Variants in NME7 observed in about 807,000 individuals in gnomAD.
NME7 encodes the protein NME/NM23 family member 7, also known as nucleoside diphosphate kinase 7.
NME7 carries 41 observed loss-of-function variants against 49.1 expected under a neutral mutation model. The observed-to-expected ratio is 0.83, with a 90% CI of 0.65 to 1.08. NME7 has a LOEUF of 1.08. NME7 is among the 50% of genes least tolerant of loss of function. The probability of loss-of-function intolerance (pLI) is 0.00; values close to 1 mark genes in which losing one functional copy is unlikely to be tolerated. For synonymous variants in NME7, 139 were observed against 150.6 expected, an observed-to-expected ratio of 0.92 and a Z score of 0.56; for missense variants, 423 against 463.4, an observed-to-expected ratio of 0.91 and a Z score of 0.80.
rs557102672 is a variant in NME7 at position 169,256,777 on chromosome 1, C to G, written c.755-19090G>C. Among the ~76,000 whole-genome samples, 9 of 128,714 alleles carry G rather than the reference C, an allele frequency of 7.0e-5. 1 individual carries two copies. Among genetic ancestry groups the G allele is most frequent in the Admixed American group, 3.8e-4 (5 of 13,024 alleles). The allele number at this position is 128,714 out of a possible 152,430, so 84.4% of individuals were successfully genotyped here. A position where few individuals can be genotyped will look rare whatever the true frequency, so the allele number is the denominator to read the frequency against. On this transcript the variant is annotated intron_variant, in intron 7 of 11. Transcript: ENST00000367811. Reference sequence around the variant, plus strand: ...TCCTTTCTGTTTGTTAGTTTTCCTTCTAACAGACAGGACCCTCAGCTGCAG... The same window carrying G: ...TCCTTTCTGTTTGTTAGTTTTCCTTGTAACAGACAGGACCCTCAGCTGCAG...
chr1:169,182,926 C>T (rs747307907), intron 10 of NME7, among the ~76,000 whole-genome samples: 3 of 152,100 alleles, frequency 2.0e-5, no homozygotes, highest in Admixed American at 6.5e-5. Context: ...TAAGGAACCC[C>T]GAAGAACATC....
chr1:169,285,465 G>A (rs773748108), intron 7 of NME7: 2 of 152,056 alleles, frequency 1.3e-5, no homozygotes, highest in Non-Finnish European at 2.9e-5. Context: ...CACTTCCTAT[G>A]GAATTGTTAC....
intron 6 of NME7, among the ~76,000 whole-genome samples, chr1:169,293,337 T>C (rs1650586124): frequency 6.6e-6 from 1 of 151,854 alleles, no homozygotes; most frequent in Admixed American, 6.6e-5. Flanking sequence ...CAGTTCAGTT[T>C]CAAATGTATT....
intron 3 of NME7, among the ~76,000 whole-genome samples, chr1:169,318,580 G>A (rs1010057954): frequency 5.9e-5 from 9 of 152,174 alleles, no homozygotes; most frequent in African/African-American, 1.4e-4. Context: ...CAATGAAAGA[G>A]AATTAATTTA....
intron 11 of NME7, among the ~76,000 whole-genome samples, chr1:169,162,101 A>G (rs557513472): frequency 1.3e-5 from 2 of 152,234 alleles, no homozygotes; most frequent in South Asian, 2.1e-4. Flanking sequence ...TTTCATCCCC[A>G]GTCAGTCAGC....
At chr1:169,294,443 A>G (rs1650627935) in intron 6 of NME7, among the ~76,000 whole-genome samples, 1 of 152,182 alleles carries the variant, frequency 6.6e-6, no homozygotes, top group African/African-American at 2.4e-5. Context: ...AGTGAGTATA[A>G]GTCTATGTTT....
intron 10 of NME7, among the ~76,000 whole-genome samples, chr1:169,214,691 G>A (rs1032169124): frequency 6.6e-5 from 10 of 152,220 alleles, no homozygotes; most frequent in African/African-American, 1.9e-4. Flanking sequence ...CATGACAGCG[G>A]TGCCCCATTT....
intron 1 of NME7, 126 bp downstream of exon 1, chr1:169,367,582 G>C (rs1653925244): frequency 9.6e-7 from 1 of 1,040,786 alleles, no homozygotes; most frequent in Non-Finnish European, 1.5e-6. Context: ...CGTGGGAAGG[G>C]GGAAAGAGAT....
intron 11 of NME7, chr1:169,169,209 G>T (rs1659505034): frequency 9.5e-6 from 4 of 423,042 alleles, no homozygotes; most frequent in Non-Finnish European, 1.8e-5. Context: ...TTGTCAGGGG[G>T]TGGGGGGGAT....
At chr1:169,340,370 G>C (rs1035641759) in intron 1 of NME7, among the ~76,000 whole-genome samples, 3 of 152,148 alleles carry the variant, frequency 2.0e-5, no homozygotes, top group Non-Finnish European at 4.4e-5. Flanking sequence ...TAACTTTCCT[G>C]AGGCCTCCAC....
At chr1:169,178,934 C>T (rs896416142) in intron 10 of NME7, among the ~76,000 whole-genome samples, 2 of 151,752 alleles carry the variant, frequency 1.3e-5, no homozygotes, top group Admixed American at 6.6e-5. Flanking sequence ...AATTCTCCTG[C>T]CTCAGTCTCC....
chr1:169,361,749 C>A (rs1347897678), intron 1 of NME7, among the ~76,000 whole-genome samples: 1 of 151,012 alleles, frequency 6.6e-6, no homozygotes, highest in East Asian at 1.9e-4. Context: ...CACTGCACTC[C>A]ACAGCCGGGT....
At chr1:169,162,297 C>T (rs1408218505) in intron 11 of NME7, among the ~76,000 whole-genome samples, 1 of 152,002 alleles carries the variant, frequency 6.6e-6, no homozygotes, top group East Asian at 1.9e-4. Context: ...GCAGGAAGAA[C>T]CCGTTGGGCA....
At chr1:169,198,666 A>G (rs1034344888) in intron 10 of NME7, among the ~76,000 whole-genome samples, 1 of 152,138 alleles carries the variant, frequency 6.6e-6, no homozygotes, top group Non-Finnish European at 1.5e-5. Context: ...AGGAAAATCT[A>G]TAGAGATAGA....
At chr1:169,273,250 C>T (rs1184180145) in intron 7 of NME7, among the ~76,000 whole-genome samples, 1 of 130,482 alleles carries the variant, frequency 7.7e-6, no homozygotes, top group African/African-American at 2.6e-5. Flanking sequence ...TGATGTTCCC[C>T]TCCCTGTGTC....
At chr1:169,229,082 A>C (rs1647477546) in intron 10 of NME7, among the ~76,000 whole-genome samples, 1 of 152,230 alleles carries the variant, frequency 6.6e-6, no homozygotes, top group Non-Finnish European at 1.5e-5. Context: ...AATTCAGTAT[A>C]GTCAAAATTA....
chr1:169,280,597 T>G (rs1195443320), intron 7 of NME7, among the ~76,000 whole-genome samples: 2 of 147,690 alleles, frequency 1.4e-5, no homozygotes, highest in African/African-American at 4.9e-5. Flanking sequence ...TAGGTCTTAT[T>G]AAAGTCTTTG....
At chr1:169,198,427 GT>G (rs141095773) in intron 10 of NME7, among the ~76,000 whole-genome samples, 2,213 of 152,126 alleles carry the variant, frequency 0.015, 57 homozygotes, top group African/African-American at 0.05. Context: ...AGCAGCATCA[GT>G]CATAATAGCC....
intron 10 of NME7, among the ~76,000 whole-genome samples, chr1:169,197,234 A>T (rs1439818421): frequency 1.3e-5 from 2 of 152,202 alleles, no homozygotes; most frequent in East Asian, 3.9e-4. Flanking sequence ...ATACTTGTCA[A>T]AATAAAAACT....
Sources: allele counts gnomAD v4.1 joint callset (sites outside exome capture counted in the v4.1 genomes callset), GRCh38; gene constraint gnomAD v4.1.1; transcripts MANE v1.5; gene names NCBI Gene and HGNC (gene_info 2026-07-23, HGNC 2026-07-21).